AFG2A: variants seen among roughly 807,000 people sequenced by gnomAD.
AFG2A encodes AAA ATPase AFG2A, also known as ATPase family gene 2 protein homolog A.
At chr4:123,155,809 A>G in the AFG2A span, among the ~76,000 whole-genome samples, 1 of 152,192 alleles carries the variant, frequency 6.6e-6, no homozygotes, top group Non-Finnish European at 1.5e-5. Context: ...TGAATACCAG[A>G]GAATAGTATT....
the AFG2A span, among the ~76,000 whole-genome samples, chr4:123,290,212 C>T: frequency 2.0e-5 from 3 of 152,088 alleles, no homozygotes; most frequent in Admixed American, 6.5e-5. Flanking sequence ...ATTAAAGTTC[C>T]ATTTGTCTAT....
the AFG2A span, among the ~76,000 whole-genome samples, chr4:123,022,349 A>G: frequency 6.6e-6 from 1 of 152,186 alleles, no homozygotes; most frequent in African/African-American, 2.4e-5. Flanking sequence ...AAGAAAACAA[A>G]CAACCCCATC....
the AFG2A span, chr4:123,090,522 G>T: frequency 8.2e-6 from 13 of 1,580,326 alleles, no homozygotes; most frequent in South Asian, 1.5e-4. Flanking sequence ...AAAATTAATA[G>T]ATAATAGTAT....
At chr4:123,313,143 C>T in the AFG2A span, among the ~76,000 whole-genome samples, 1 of 152,198 alleles carries the variant, frequency 6.6e-6, no homozygotes, top group Non-Finnish European at 1.5e-5. Context: ...CTTAAAAACA[C>T]ATTTCGGGAT....
the AFG2A span, among the ~76,000 whole-genome samples, chr4:123,274,166 C>T: frequency 6.4e-4 from 97 of 152,142 alleles, no homozygotes; most frequent in Non-Finnish European, 1.3e-3. Context: ...ATTTGACCTG[C>T]AATAATCTGA....
the AFG2A span, among the ~76,000 whole-genome samples, chr4:123,159,929 G>A: frequency 2.0e-5 from 3 of 152,112 alleles, no homozygotes; most frequent in South Asian, 4.1e-4. Flanking sequence ...GCAACAGTGG[G>A]CCTCTGAAAA....
At chr4:123,169,797 A>G in the AFG2A span, among the ~76,000 whole-genome samples, 3 of 152,242 alleles carry the variant, frequency 2.0e-5, no homozygotes, top group South Asian at 6.2e-4. Flanking sequence ...ATATTATTTT[A>G]AAACCTAAAC....
the AFG2A span, among the ~76,000 whole-genome samples, chr4:123,025,100 C>T: frequency 7.9e-5 from 12 of 152,344 alleles, no homozygotes; most frequent in South Asian, 1.7e-3. Context: ...ACAAATTCAT[C>T]TACTGTTTTC....
the AFG2A span, among the ~76,000 whole-genome samples, chr4:123,093,196 T>G: frequency 1.3e-5 from 2 of 152,178 alleles, no homozygotes; most frequent in African/African-American, 4.8e-5. Context: ...GACAGCAATC[T>G]TTTATTGATT....
the AFG2A span, among the ~76,000 whole-genome samples, chr4:123,157,140 C>T: frequency 7.2e-5 from 11 of 151,920 alleles, no homozygotes; most frequent in South Asian, 6.2e-4. Context: ...CTCAGCCTCC[C>T]GAGTAGCTGG....
the AFG2A span, among the ~76,000 whole-genome samples, chr4:122,950,768 C>T: frequency 6.6e-6 from 1 of 152,236 alleles, no homozygotes; most frequent in Admixed American, 6.5e-5. Flanking sequence ...GGCATAGTGG[C>T]AGCCATCCAA....
At chr4:123,075,309 G>A in the AFG2A span, among the ~76,000 whole-genome samples, 11 of 152,068 alleles carry the variant, frequency 7.2e-5, no homozygotes, top group Middle Eastern at 3.4e-3. Flanking sequence ...TGAGTTGAGC[G>A]TCTAAAGCAA....
At chr4:123,229,095 A>G in the AFG2A span, among the ~76,000 whole-genome samples, 1 of 151,976 alleles carries the variant, frequency 6.6e-6, no homozygotes, top group South Asian at 2.1e-4. Flanking sequence ...AAACCAGCAC[A>G]ATTTCTGGCA....
chr4:123,126,820 G>T, the AFG2A span, among the ~76,000 whole-genome samples: 1 of 152,072 alleles, frequency 6.6e-6, no homozygotes, highest in African/African-American at 2.4e-5. Flanking sequence ...GTAGCCTTGG[G>T]TATGTCTTTA....
chr4:123,015,806 G>A, the AFG2A span, among the ~76,000 whole-genome samples: 3 of 70,832 alleles, frequency 4.2e-5, no homozygotes, highest in Non-Finnish European at 1.1e-4. Context: ...GGCTCGGGTG[G>A]GGGGCTGACC....
the AFG2A span, among the ~76,000 whole-genome samples, chr4:123,118,316 A>ATATATTATATATAT: frequency 7.7e-6 from 1 of 129,336 alleles, no homozygotes. Flanking sequence ...TATATATAAT[A>ATATATTATATATAT]TATATTATAT....
At chr4:123,234,913 G>A in the AFG2A span, among the ~76,000 whole-genome samples, 7 of 152,098 alleles carry the variant, frequency 4.6e-5, no homozygotes, top group Non-Finnish European at 8.8e-5. Flanking sequence ...ACTAATAATA[G>A]TACCTCGCCT....
chr4:123,020,749 T>C, the AFG2A span, among the ~76,000 whole-genome samples: 3 of 152,320 alleles, frequency 2.0e-5, no homozygotes, highest in East Asian at 5.8e-4. Context: ...CTATAATTCA[T>C]TTAATAGTTG....
At chr4:123,192,316 C>T in the AFG2A span, among the ~76,000 whole-genome samples, 1 of 152,180 alleles carries the variant, frequency 6.6e-6, no homozygotes, top group East Asian at 1.9e-4. Context: ...TGTGAGCCAC[C>T]ACCGCTGCTA....
Sources: allele counts gnomAD v4.1 joint callset (sites outside exome capture counted in the v4.1 genomes callset), GRCh38; gene constraint gnomAD v4.1.1; transcripts MANE v1.5; gene names NCBI Gene and HGNC (gene_info 2026-07-23, HGNC 2026-07-21).